Variants in AFG2A observed in about 807,000 individuals in gnomAD.
AFG2A encodes the protein AAA ATPase AFG2A.
At chr4:123,161,902 T>C in the AFG2A span, among the ~76,000 whole-genome samples, 2 of 152,208 alleles carry the variant, frequency 1.3e-5, no homozygotes, top group Non-Finnish European at 2.9e-5. Flanking sequence ...TCCATTTACA[T>C]TTGATCATAT....
At chr4:123,250,093 A>G in the AFG2A span, among the ~76,000 whole-genome samples, 1 of 152,174 alleles carries the variant, frequency 6.6e-6, no homozygotes, top group African/African-American at 2.4e-5. Flanking sequence ...ATGGGAGCCA[A>G]TGGGACCTGA....
the AFG2A span, among the ~76,000 whole-genome samples, chr4:123,103,445 A>T: frequency 6.6e-6 from 1 of 152,208 alleles, no homozygotes; most frequent in African/African-American, 2.4e-5. Flanking sequence ...CATGTATTTT[A>T]CACAATACTA....
the AFG2A span, chr4:122,927,521 G>A: frequency 4.8e-6 from 5 of 1,049,542 alleles, no homozygotes; most frequent in Non-Finnish European, 6.7e-6. Context: ...CCAGGGTATG[G>A]TAAGTACATT....
At chr4:123,182,886 C>G in the AFG2A span, among the ~76,000 whole-genome samples, 3 of 152,128 alleles carry the variant, frequency 2.0e-5, no homozygotes, top group African/African-American at 7.2e-5. Flanking sequence ...AGGAAGCTCC[C>G]TAGAAATCTA....
chr4:123,310,292 A>G, the AFG2A span, among the ~76,000 whole-genome samples: 2 of 152,240 alleles, frequency 1.3e-5, no homozygotes, highest in East Asian at 1.9e-4. Flanking sequence ...TGTGGCCCAC[A>G]TGACTTTGAA....
chr4:123,267,966 C>T, the AFG2A span, among the ~76,000 whole-genome samples: 1 of 151,974 alleles, frequency 6.6e-6, no homozygotes, highest in Non-Finnish European at 1.5e-5. Flanking sequence ...TTAAACTGAT[C>T]ATGGCTTATA....
the AFG2A span, among the ~76,000 whole-genome samples, chr4:123,041,203 C>T: frequency 3.3e-5 from 5 of 151,360 alleles, no homozygotes; most frequent in East Asian, 1.9e-4. Context: ...CTCCACCTCC[C>T]GGGTTCACGC....
the AFG2A span, among the ~76,000 whole-genome samples, chr4:123,045,312 T>A: frequency 1.1e-4 from 5 of 43,646 alleles, no homozygotes; most frequent in African/African-American, 2.1e-4. Context: ...CAGTGCGTAT[T>A]TCTACAAAAT....
chr4:123,305,527 C>T, the AFG2A span, among the ~76,000 whole-genome samples: 1 of 152,154 alleles, frequency 6.6e-6, no homozygotes, highest in Non-Finnish European at 1.5e-5. Flanking sequence ...AATCTGTCAA[C>T]GCACCAGAAA....
chr4:123,144,253 G>A, the AFG2A span, among the ~76,000 whole-genome samples: 1 of 151,988 alleles, frequency 6.6e-6, no homozygotes, highest in Non-Finnish European at 1.5e-5. Flanking sequence ...TCATTGTTTA[G>A]CTCTATATAT....
At chr4:123,318,647 C>T in the AFG2A span, 1 of 151,744 alleles carries the variant, frequency 6.6e-6, no homozygotes, top group Non-Finnish European at 1.5e-5. Context: ...GAAAGCTGGG[C>T]ATGGTGGCAC....
the AFG2A span, among the ~76,000 whole-genome samples, chr4:122,926,218 A>G: frequency 3.3e-5 from 5 of 152,336 alleles, no homozygotes; most frequent in Admixed American, 6.5e-5. Context: ...GAAGGAGAAG[A>G]AGAAAACTAA....
the AFG2A span, among the ~76,000 whole-genome samples, chr4:123,301,274 G>A: frequency 1.3e-5 from 2 of 152,034 alleles, no homozygotes; most frequent in South Asian, 4.1e-4. Context: ...CAAAATTAGT[G>A]AAATACCAAT....
the AFG2A span, among the ~76,000 whole-genome samples, chr4:123,084,870 A>G: frequency 6.6e-6 from 1 of 152,066 alleles, no homozygotes; most frequent in African/African-American, 2.4e-5. Flanking sequence ...GCTTCAAGAA[A>G]TCCTTCCACC....
the AFG2A span, among the ~76,000 whole-genome samples, chr4:122,972,666 A>AT: frequency 3.3e-5 from 5 of 150,492 alleles, no homozygotes; most frequent in Admixed American, 2.0e-4. Flanking sequence ...TTTCATTGTG[A>AT]TTTTTTTTGA....
chr4:123,104,398 C>A, the AFG2A span, among the ~76,000 whole-genome samples: 7 of 152,126 alleles, frequency 4.6e-5, no homozygotes, highest in Non-Finnish European at 8.8e-5. Context: ...TTTGGGCCTC[C>A]CTACTCCCTG....
the AFG2A span, among the ~76,000 whole-genome samples, chr4:123,199,465 T>G: frequency 8.1e-6 from 1 of 123,160 alleles, no homozygotes; most frequent in South Asian, 2.9e-4. Context: ...CTCAGAGGTT[T>G]TTTTTTTTTT....
At chr4:123,255,537 GTGAGCCACCATACC>G in the AFG2A span, among the ~76,000 whole-genome samples, 15 of 151,446 alleles carry the variant, frequency 9.9e-5, no homozygotes, top group East Asian at 2.1e-3. Context: ...GATTATAGGC[GTGAGCCACCATACC>G]TGTCCTTAAA....
At chr4:123,294,780 G>A in the AFG2A span, among the ~76,000 whole-genome samples, 5 of 152,168 alleles carry the variant, frequency 3.3e-5, no homozygotes, top group South Asian at 8.3e-4. Context: ...TAAAAGACAT[G>A]AGAGTAAATT....
Sources: allele counts gnomAD v4.1 joint callset (sites outside exome capture counted in the v4.1 genomes callset), GRCh38; gene constraint gnomAD v4.1.1; transcripts MANE v1.5; gene names NCBI Gene and HGNC (gene_info 2026-07-23, HGNC 2026-07-21).